LINGO2: variants seen among roughly 807,000 people sequenced by gnomAD.
LINGO2 encodes leucine rich repeat and Ig domain containing 2.
Under a neutral mutation model 30.6 loss-of-function variants are expected in LINGO2, and 14 were observed. The observed-to-expected ratio is 0.46, with a 90% CI of 0.30 to 0.72. The LOEUF is 0.72. LINGO2 is among the 30% of genes least tolerant of loss of function. The pLI, the probability that LINGO2 is intolerant of heterozygous loss-of-function variation, is 0.07. For missense variants in LINGO2, 729 were observed against 751.7 expected (o/e 0.97, Z 0.35); for synonymous variants, 317 against 288.5 (o/e 1.10, Z -1.00).
At chr9:28,370,763 C>T (rs16912763) in intron 3 of LINGO2, among the ~76,000 whole-genome samples, 17,125 of 152,184 alleles carry the variant, frequency 0.11, 1,030 homozygotes, top group Admixed American at 0.16. Context: ...TGGGACGCCT[C>T]ATGTTAAGAT....
intron 4 of LINGO2, among the ~76,000 whole-genome samples, chr9:28,181,749 G>C (rs1410795644): frequency 6.6e-6 from 1 of 152,108 alleles, no homozygotes; most frequent in Non-Finnish European, 1.5e-5. Context: ...TTGTGAGTTA[G>C]TGTGTATAGA....
the LINGO2 span, among the ~76,000 whole-genome samples, chr9:28,772,297 T>C: frequency 2.0e-5 from 3 of 152,162 alleles, no homozygotes; most frequent in Non-Finnish European, 4.4e-5. Flanking sequence ...TCAGGTAATA[T>C]ACTAAAAATA....
At chr9:28,367,002 T>A (rs1820704797) in intron 3 of LINGO2, among the ~76,000 whole-genome samples, 1 of 152,100 alleles carries the variant, frequency 6.6e-6, no homozygotes, top group Admixed American at 6.6e-5. Context: ...ATCTTTCTCA[T>A]CGATTTCCCA....
At chr9:28,245,824 C>A (rs984317909) in intron 4 of LINGO2, among the ~76,000 whole-genome samples, 1 of 152,132 alleles carries the variant, frequency 6.6e-6, no homozygotes, top group Non-Finnish European at 1.5e-5. Context: ...ACATTGTATC[C>A]TCATGGATAG....
At position 28,028,000 on chromosome 9, in the gene LINGO2, G is replaced by GT. The variant is rs368617249; in HGVS notation, c.-86-15596dup. ...AACATAAAATGATTCATAAATGGAGGTTTTTTCTTGACCACTCACTTATTT... is the reference window on the plus strand; with the variant it reads ...AACATAAAATGATTCATAAATGGAGGTTTTTTTCTTGACCACTCACTTATTT... On this transcript the variant is annotated intron_variant, in intron 4 of 5. Coordinates refer to ENST00000379992, the Ensembl canonical transcript of LINGO2. 5.3e-5 allele frequency among the ~76,000 whole-genome samples: 8 copies of GT among 152,224 alleles called. No individual in the cohort carries two copies. In the South Asian group the frequency reaches 8.3e-4, roughly 16 times the overall value.
chr9:28,419,446 T>C (rs997707749), intron 2 of LINGO2, among the ~76,000 whole-genome samples: 19 of 152,084 alleles, frequency 1.2e-4, no homozygotes, highest in African/African-American at 4.6e-4. Context: ...GAGGGGTTAT[T>C]TGCTTAATGT....
intron 2 of LINGO2, among the ~76,000 whole-genome samples, chr9:28,467,308 T>A (rs963428640): frequency 6.6e-6 from 1 of 152,092 alleles, no homozygotes; most frequent in African/African-American, 2.4e-5. Context: ...ATTACAGGTG[T>A]GAGCCACCAT....
At chr9:28,320,875 C>T (rs907946095) in intron 3 of LINGO2, among the ~76,000 whole-genome samples, 2 of 152,104 alleles carry the variant, frequency 1.3e-5, no homozygotes, top group Non-Finnish European at 1.5e-5. Flanking sequence ...GACACTGAAA[C>T]TCGGGGAGCA....
At chr9:28,236,187 T>G (rs952624408) in intron 4 of LINGO2, among the ~76,000 whole-genome samples, 8 of 152,144 alleles carry the variant, frequency 5.3e-5, no homozygotes, top group African/African-American at 1.9e-4. Context: ...TGACATATTT[T>G]TAATGTGATG....
chr9:29,130,624 A>C, the LINGO2 span, among the ~76,000 whole-genome samples: 1 of 152,186 alleles, frequency 6.6e-6, no homozygotes, highest in African/African-American at 2.4e-5. Flanking sequence ...TTACTGATGC[A>C]GAAACAGACA....
At chr9:28,226,634 GGAAAGAAGGAAA>G (rs1227930036) in intron 4 of LINGO2, among the ~76,000 whole-genome samples, 4,279 of 82,146 alleles carry the variant, frequency 0.052, 116 homozygotes, top group East Asian at 0.078. Flanking sequence ...AAGGAAAGAA[GGAAAGAAGGAAA>G]GAAAGAAAGA....
Position 28,518,885 on chromosome 9 carries a change from G to A in LINGO2, c.-364-42860C>T, listed in dbSNP as rs567630491. Among the ~76,000 whole-genome samples the A allele has an allele frequency of 2.0e-5, 3 of 152,274 alleles. No homozygotes were observed. The South Asian group carries it at 6.2e-4, about 32-fold the overall frequency. On this transcript the variant is annotated intron_variant, in intron 1 of 5. Transcript: ENST00000379992. ...CCAGCCGGAAACCTAGAGAGAAAAG[G>A]TAAAGTTTTGACTATTCTACTGGCC...
chr9:28,055,073 T>C (rs1824861857), intron 4 of LINGO2, among the ~76,000 whole-genome samples: 1 of 152,120 alleles, frequency 6.6e-6, no homozygotes, highest in Admixed American at 6.6e-5. Context: ...AGCTAGATGG[T>C]AATCAAAAAT....
chr9:29,146,414 T>C, the LINGO2 span, among the ~76,000 whole-genome samples: 3 of 152,036 alleles, frequency 2.0e-5, no homozygotes, highest in African/African-American at 7.2e-5. Context: ...CCTTAATAAT[T>C]ACCACTTAGG....
chr9:28,218,332 G>C (rs1428652738), intron 4 of LINGO2, among the ~76,000 whole-genome samples: 1 of 151,018 alleles, frequency 6.6e-6, no homozygotes, highest in Admixed American at 6.6e-5. Context: ...AGAAAAATGA[G>C]GTCCCTAAGC....
chr9:28,848,081 C>CAT, the LINGO2 span, among the ~76,000 whole-genome samples: 1 of 44,292 alleles, frequency 2.3e-5, no homozygotes, highest in Non-Finnish European at 3.8e-5. Context: ...TATATATATA[C>CAT]ACACTATATA....
At chr9:28,578,124 A>T (rs1824081159) in intron 1 of LINGO2, among the ~76,000 whole-genome samples, 1 of 152,200 alleles carries the variant, frequency 6.6e-6, no homozygotes, top group Admixed American at 6.6e-5. Context: ...ATGGAAGGTA[A>T]TGATGCAAGA....
the LINGO2 span, among the ~76,000 whole-genome samples, chr9:29,121,044 G>T: frequency 6.6e-6 from 1 of 152,056 alleles, no homozygotes; most frequent in Non-Finnish European, 1.5e-5. Context: ...ATCAAAAAAA[G>T]GTCAATATAT....
intron 4 of LINGO2, among the ~76,000 whole-genome samples, chr9:28,198,455 A>G (rs927039118): frequency 1.3e-5 from 2 of 152,190 alleles, no homozygotes; most frequent in African/African-American, 4.8e-5. Flanking sequence ...TTACTTTTCA[A>G]CAATCATACT....
Sources: allele counts gnomAD v4.1 joint callset (sites outside exome capture counted in the v4.1 genomes callset), GRCh38; gene constraint gnomAD v4.1.1; transcripts MANE v1.5; gene names NCBI Gene and HGNC (gene_info 2026-07-23, HGNC 2026-07-21).